KLF12: variants seen among roughly 807,000 people sequenced by gnomAD.
KLF12 encodes Krueppel-like factor 12.
A neutral mutation model predicts 37.8 loss-of-function variants in KLF12; 9 were observed. The ratio of observed to expected loss-of-function variants is 0.24; its 90% CI spans 0.14 to 0.42. The LOEUF (loss-of-function observed/expected upper bound fraction) is 0.42, where lower values mean the gene tolerates loss of function less well. Ranked by LOEUF, KLF12 falls within the 10% of genes least tolerant of loss-of-function variation. KLF12 has a pLI of 1.00. For missense variants in KLF12, 411 were observed against 516.0 expected, an observed-to-expected ratio of 0.80 and a Z score of 1.97; for synonymous variants, 208 against 202.1, an observed-to-expected ratio of 1.03 and a Z score of -0.25.
At chr13:74,267,397 T>C in the KLF12 span, among the ~76,000 whole-genome samples, 1 of 152,348 alleles carries the variant, frequency 6.6e-6, no homozygotes, top group Non-Finnish European at 1.5e-5. Flanking sequence ...GGAATATTAT[T>C]CAGCCACAAA....
intron 1 of KLF12, among the ~76,000 whole-genome samples, chr13:74,127,445 AC>A (rs1289850412): frequency 1.3e-5 from 2 of 152,214 alleles, no homozygotes; most frequent in Admixed American, 1.3e-4. Context: ...GAGAATACCA[AC>A]CGGAACACAG....
chr13:74,264,029 T>C, the KLF12 span, among the ~76,000 whole-genome samples: 1 of 152,214 alleles, frequency 6.6e-6, no homozygotes, highest in African/African-American at 2.4e-5. Flanking sequence ...TCTGGGATTG[T>C]ACCTGGCATA....
intron 4 of KLF12, among the ~76,000 whole-genome samples, chr13:73,825,145 T>C (rs1398624518): frequency 6.6e-6 from 1 of 151,946 alleles, no homozygotes; most frequent in Non-Finnish European, 1.5e-5. Flanking sequence ...TTTGTAACAG[T>C]GCCCCCCTTC....
chr13:74,278,681 C>G, the KLF12 span, among the ~76,000 whole-genome samples: 1 of 152,260 alleles, frequency 6.6e-6, no homozygotes, highest in African/African-American at 2.4e-5. Context: ...AATCTCCACC[C>G]GCTGCCTTTT....
chr13:73,698,626 G>A (rs1445531764), intron 7 of KLF12, among the ~76,000 whole-genome samples: 2 of 152,134 alleles, frequency 1.3e-5, no homozygotes, highest in Non-Finnish European at 2.9e-5. Context: ...CATTATATAC[G>A]ATTTAAATTT....
chr13:73,834,600 T>A (rs1016573098), intron 4 of KLF12, among the ~76,000 whole-genome samples: 2 of 151,998 alleles, frequency 1.3e-5, no homozygotes, highest in African/African-American at 4.8e-5. Context: ...AACCTTTGCC[T>A]TTCAGGTTCA....
At chr13:74,209,336 AG>A in the KLF12 span, among the ~76,000 whole-genome samples, 2 of 152,060 alleles carry the variant, frequency 1.3e-5, no homozygotes, top group African/African-American at 4.8e-5. Context: ...CCGTTTAAAA[AG>A]TTGTCATTTT....
chr13:74,262,876 A>G, the KLF12 span, among the ~76,000 whole-genome samples: 1,332 of 152,258 alleles, frequency 8.7e-3, 16 homozygotes, highest in African/African-American at 0.03. Context: ...TATATCTCAC[A>G]GAGTCCCTAA....
At chr13:74,098,891 A>G (rs1876136900) in intron 1 of KLF12, among the ~76,000 whole-genome samples, 1 of 152,220 alleles carries the variant, frequency 6.6e-6, no homozygotes, top group Non-Finnish European at 1.5e-5. Context: ...CACATGGAAC[A>G]CAGTATTTTC....
chr13:74,059,971 C>T (rs35210732), intron 1 of KLF12, among the ~76,000 whole-genome samples: 5 of 152,154 alleles, frequency 3.3e-5, no homozygotes, highest in Admixed American at 6.5e-5. Context: ...TGTCATTCTT[C>T]TGCACAAAGC....
chr13:73,825,700 A>G (rs566824065), intron 4 of KLF12, among the ~76,000 whole-genome samples: 4 of 148,932 alleles, frequency 2.7e-5, no homozygotes, highest in Non-Finnish European at 6.0e-5. Context: ...AATATAAGGA[A>G]AACAGATTTT....
intron 1 of KLF12, among the ~76,000 whole-genome samples, chr13:74,055,153 A>G (rs184137102): frequency 2.6e-5 from 4 of 152,356 alleles, no homozygotes; most frequent in African/African-American, 7.2e-5. Context: ...TCATGTTAAG[A>G]AAAACTGCCA....
chr13:73,998,202 C>T (rs1365700370), intron 1 of KLF12, among the ~76,000 whole-genome samples: 2 of 152,256 alleles, frequency 1.3e-5, no homozygotes, highest in Non-Finnish European at 2.9e-5. Context: ...CCTCAGAGTA[C>T]AGGCATTATA....
chr13:73,821,391 C>T (rs1883518277), intron 4 of KLF12, among the ~76,000 whole-genome samples: 1 of 152,200 alleles, frequency 6.6e-6, no homozygotes, highest in African/African-American at 2.4e-5. Context: ...CCTCAAAAAT[C>T]ATTTCAAACA....
intron 5 of KLF12, among the ~76,000 whole-genome samples, chr13:73,803,058 G>T (rs1882365045): frequency 6.6e-6 from 1 of 152,122 alleles, no homozygotes; most frequent in Non-Finnish European, 1.5e-5. Flanking sequence ...AGAAAAATTT[G>T]CTCTGCATGG....
At chr13:74,037,976 G>A (rs1305897660) in intron 1 of KLF12, among the ~76,000 whole-genome samples, 1 of 152,052 alleles carries the variant, frequency 6.6e-6, no homozygotes, top group Non-Finnish European at 1.5e-5. Flanking sequence ...AAGCCTTGTG[G>A]GCATGGAACC....
intron 6 of KLF12, among the ~76,000 whole-genome samples, chr13:73,738,877 G>C (rs1219554914): frequency 6.6e-6 from 1 of 152,124 alleles, no homozygotes; most frequent in Non-Finnish European, 1.5e-5. Context: ...CCATCTAACT[G>C]TGCCACTATG....
chr13:74,300,957 C>T, the KLF12 span, among the ~76,000 whole-genome samples: 1 of 152,104 alleles, frequency 6.6e-6, no homozygotes, highest in Non-Finnish European at 1.5e-5. Context: ...CTTCCTGGGA[C>T]ATCCTTTGGC....
At chr13:73,970,268 T>C (rs1891292552) in intron 2 of KLF12, among the ~76,000 whole-genome samples, 1 of 152,144 alleles carries the variant, frequency 6.6e-6, no homozygotes. Context: ...TATAATCTAC[T>C]TAAGTTTTTT....
Sources: allele counts gnomAD v4.1 joint callset (sites outside exome capture counted in the v4.1 genomes callset), GRCh38; gene constraint gnomAD v4.1.1; transcripts MANE v1.5; gene names NCBI Gene and HGNC (gene_info 2026-07-23, HGNC 2026-07-21).